Variants in VTI1A observed in about 807,000 individuals in gnomAD.
The protein encoded by VTI1A is vesicle transport through interaction with t-SNAREs homolog 1A.
A neutral mutation model predicts 34.9 loss-of-function variants in VTI1A; 22 were observed. The ratio of observed to expected loss-of-function variants is 0.63; its 90% CI spans 0.45 to 0.90. The LOEUF is 0.90. Among genes scored for constraint, VTI1A ranks in the 40% least tolerant of loss-of-function variants. The pLI is 0.00. For synonymous variants in VTI1A, 87 were observed against 97.3 expected (o/e 0.89, Z 0.62); for missense variants, 268 against 275.6 (o/e 0.97, Z 0.20).
chr10:112,822,499 C>T (rs1853671643), downstream of VTI1A, among the ~76,000 whole-genome samples: 1 of 152,166 alleles, frequency 6.6e-6, no homozygotes, highest in Non-Finnish European at 1.5e-5. Context: ...TGAAGGAAGT[C>T]CAAATCCGCT....
chr10:112,801,522 G>T (rs772795780), intron 7 of VTI1A, among the ~76,000 whole-genome samples: 2 of 152,094 alleles, frequency 1.3e-5, no homozygotes, highest in African/African-American at 2.4e-5. Context: ...TCCCAGATTC[G>T]CACAGTGAGT....
At chr10:112,467,465 T>TAA (rs902177654) in intron 3 of VTI1A, among the ~76,000 whole-genome samples, 25 of 147,390 alleles carry the variant, frequency 1.7e-4, no homozygotes, top group South Asian at 6.4e-4. Context: ...GCTGATGAGC[T>TAA]AAAAAAAAAA....
chr10:112,734,869 T>G (rs1292041854), intron 7 of VTI1A, among the ~76,000 whole-genome samples: 1 of 151,962 alleles, frequency 6.6e-6, no homozygotes, highest in Non-Finnish European at 1.5e-5. Context: ...TGACCCCAAG[T>G]GATCCGCCCA....
downstream of VTI1A, chr10:112,823,506 G>C (rs1238789134): frequency 6.6e-6 from 1 of 152,190 alleles, no homozygotes; most frequent in Non-Finnish European, 1.5e-5. Context: ...CATTTTCAAA[G>C]GCTTCTCTCC....
intron 4 of VTI1A, among the ~76,000 whole-genome samples, chr10:112,531,067 A>ACACACACG (rs1850412684): frequency 7.8e-6 from 1 of 129,026 alleles, no homozygotes. Context: ...CACACCTCAC[A>ACACACACG]CACACACACA....
At position 112,794,535 on chromosome 10, in the gene VTI1A, G is replaced by C. The variant is rs111279720; in HGVS notation, c.561-20755G>C. On this transcript the variant is annotated intron_variant, in intron 7 of 7. Transcript: ENST00000393077. ...CTGTTGCACTCCAGCCTGGGCAACA[G>C]AGTGAGACTCTGCCTCTAAAAAATA... Among the ~76,000 whole-genome samples, 1,037 of 152,158 alleles carry C rather than the reference G, an allele frequency of 6.8e-3. 5 individuals are homozygous for C. Among genetic ancestry groups the C allele is most frequent in the Non-Finnish European group, 0.011 (776 of 67,994 alleles).
intron 5 of VTI1A, among the ~76,000 whole-genome samples, chr10:112,610,445 T>C (rs1845252971): frequency 1.3e-5 from 2 of 152,200 alleles, no homozygotes; most frequent in African/African-American, 4.8e-5. Flanking sequence ...GAAAGGATCT[T>C]TGAAATCATC....
chr10:112,665,748 T>C (rs1847620587), intron 5 of VTI1A, among the ~76,000 whole-genome samples: 1 of 152,176 alleles, frequency 6.6e-6, no homozygotes, highest in South Asian at 2.1e-4. Context: ...AATGCTACAC[T>C]GGATGGGCTT....
intron 7 of VTI1A, among the ~76,000 whole-genome samples, chr10:112,743,013 C>CGTGTGTGTGT (rs10612255): frequency 9.2e-5 from 13 of 141,888 alleles, no homozygotes; most frequent in South Asian, 2.4e-4. Context: ...GACCTATTCT[C>CGTGTGTGTGT]GTGTGTGTGT....
chr10:112,574,760 C>T (rs961206379), intron 5 of VTI1A, among the ~76,000 whole-genome samples: 27 of 152,158 alleles, frequency 1.8e-4, no homozygotes, highest in Admixed American at 1.6e-3. Context: ...TGAGTGAGTA[C>T]AGTGTAGGTG....
intron 5 of VTI1A, among the ~76,000 whole-genome samples, chr10:112,614,377 G>T (rs918936532): frequency 6.6e-6 from 1 of 152,130 alleles, no homozygotes; most frequent in African/African-American, 2.4e-5. Context: ...TACACTTGAG[G>T]GGGAGAAAGT....
At chr10:112,655,991 T>G (rs1440369517) in intron 5 of VTI1A, among the ~76,000 whole-genome samples, 2 of 152,224 alleles carry the variant, frequency 1.3e-5, no homozygotes, top group Admixed American at 1.3e-4. Flanking sequence ...CACTCAGGCC[T>G]TTAAAGCAAA....
chr10:112,548,676 C>T, intron 5 of VTI1A: 1 of 1,216,196 alleles, frequency 8.2e-7, no homozygotes, highest in South Asian at 1.2e-5. Flanking sequence ...TTGCCAGCTC[C>T]AGCAGCCTTC....
At chr10:112,733,751 T>TTATTC (rs1850355616) in intron 7 of VTI1A, among the ~76,000 whole-genome samples, 1 of 148,638 alleles carries the variant, frequency 6.7e-6, no homozygotes, top group African/African-American at 2.6e-5. Flanking sequence ...TTATTTTATT[T>TTATTC]TATTTTATTT....
chr10:112,593,418 A>T (rs563375010), intron 5 of VTI1A, among the ~76,000 whole-genome samples: 1 of 152,212 alleles, frequency 6.6e-6, no homozygotes, highest in Admixed American at 6.5e-5. Flanking sequence ...GGGCTCTGCA[A>T]ATAGCACAGA....
chr10:112,451,249 T>C (rs1325577387), intron 1 of VTI1A, among the ~76,000 whole-genome samples: 1 of 152,128 alleles, frequency 6.6e-6, no homozygotes, highest in Non-Finnish European at 1.5e-5. Context: ...GAGAGAGTAA[T>C]AATTTCAACC....
At position 112,618,516 on chromosome 10, in the gene VTI1A, T is replaced by TAGAGAGAG. The variant is rs1295144968; in HGVS notation, c.428-49701_428-49700insGAGAGAGA. ...ATATATATATATATATATATATATA[T>TAGAGAGAG]ATATATATAGAGAGAGAGAGAGAGA... On this transcript the variant is annotated intron_variant, in intron 5 of 7. Transcript: ENST00000393077. Among the ~76,000 whole-genome samples the TAGAGAGAG allele has an allele frequency of 6.3e-3, 290 of 46,352 alleles. 1 individual carries two copies. Among genetic ancestry groups the TAGAGAGAG allele is most frequent in the Admixed American group, 7.6e-3 (18 of 2,358 alleles). The allele number at this position is 46,352 out of a possible 152,430, so 30.4% of individuals were successfully genotyped here. A position where few individuals can be genotyped will look rare whatever the true frequency, so the allele number is the denominator to read the frequency against.
chr10:112,740,617 C>T (rs1212924304), intron 7 of VTI1A, among the ~76,000 whole-genome samples: 2 of 152,300 alleles, frequency 1.3e-5, no homozygotes, highest in African/African-American at 4.8e-5. Flanking sequence ...ATTTGAACCA[C>T]AGTGAGATAC....
intron 7 of VTI1A, among the ~76,000 whole-genome samples, chr10:112,739,373 A>T (rs553210204): frequency 2.6e-5 from 4 of 152,256 alleles, no homozygotes; most frequent in Admixed American, 2.6e-4. Flanking sequence ...CCTTAGACAG[A>T]TACTGTTGAA....
Sources: gnomAD v4.1 joint callset for allele counts (sites outside exome capture counted in the v4.1 genomes callset) on GRCh38, gnomAD v4.1.1 for gene constraint, MANE v1.5 for transcripts, NCBI Gene and HGNC (gene_info 2026-07-23, HGNC 2026-07-21) for gene names.